Variants in PHF2 observed in about 807,000 individuals in gnomAD.
PHF2 encodes the protein lysine-specific demethylase PHF2.
A neutral mutation model predicts 120.5 loss-of-function variants in PHF2; 27 were observed. The observed-to-expected ratio is 0.22, with a 90% CI of 0.17 to 0.31. PHF2 has a LOEUF of 0.31. Ranked by LOEUF, PHF2 falls within the 10% of genes least tolerant of loss-of-function variation. PHF2 has a pLI of 1.00. For missense variants in PHF2, 1,024 were observed against 1,434.8 expected (o/e 0.71, Z 4.63); for synonymous variants, 568 against 592.5 (o/e 0.96, Z 0.60).
intron 1 of PHF2, among the ~76,000 whole-genome samples, chr9:93,587,672 C>G (rs984411010): frequency 2.0e-5 from 3 of 152,150 alleles, no homozygotes; most frequent in East Asian, 1.9e-4. Context: ...ACCCTGCTTG[C>G]CAGGCACTGC....
rs1826895296 is a variant in PHF2 at position 93,675,603 on chromosome 9, G to A, written c.2723-77G>A. The A allele has an allele frequency of 7.0e-6, 8 of 1,139,082 alleles. No individual in the cohort carries two copies. In the Admixed American group the frequency reaches 1.1e-4, roughly 16 times the overall value. 70.6% of individuals were successfully genotyped at this position (1,139,082 alleles called of 1,614,324 possible). Reference sequence around the variant, plus strand: ...GCCAGGGGGACAGGCTGGGGTGGGGGCAGGGTAGCCCCAAACCAGGAGGGG... The same window carrying A: ...GCCAGGGGGACAGGCTGGGGTGGGGACAGGGTAGCCCCAAACCAGGAGGGG... On this transcript the variant is annotated intron_variant, in intron 19 of 21. Transcript: ENST00000359246.
At chr9:93,615,157 A>G (rs200144908) in intron 1 of PHF2, among the ~76,000 whole-genome samples, 10 of 72,144 alleles carry the variant, frequency 1.4e-4, no homozygotes, top group Admixed American at 2.9e-4. Context: ...AATGGTGATG[A>G]TGATGGTGAT....
In PHF2 at chr9:93,654,594, G is replaced by A. The variant is rs753360654; in HGVS notation, c.952+19G>A. 6 of 1,608,826 alleles carry A rather than the reference G, an allele frequency of 3.7e-6. No homozygotes were observed. The highest frequency in any genetic ancestry group is 5.1e-6 in the Non-Finnish European group (6 of 1,176,770). ...CCCTCAGGTGAGTGCGGGCAGCTTT[G>A]GGGACCATGTACTAGGGCTTGCCGG... On this transcript the variant is annotated intron_variant, in intron 7 of 21. Transcript: ENST00000359246.
In PHF2 at chr9:93,649,157, A is replaced by G; in HGVS notation, c.547A>G (p.Ser183Gly). The change falls in exon 5 of 22, where the codon AGC becomes GGC. Residue 183 changes from serine to glycine, a missense_variant. This residue lies in a region of PHF2 where 347 missense variants were observed against 577.4 expected (regional missense o/e 0.60). Coordinates refer to ENST00000359246, the MANE Select transcript of PHF2 (RefSeq NM_005392.4). ...KLKEFVDYYYSTNRKRVLNVT... is the reference protein window; with the variant it reads ...KLKEFVDYYYGTNRKRVLNVT... ...GAAGGAGTTTGTGGACTATTACTAC[A>G]GCACCAACCGCAAGCGGGTCCTCAA... 1 of 1,546,100 alleles carries G rather than the reference A, an allele frequency of 6.5e-7. No homozygotes were observed. The highest frequency in any genetic ancestry group is 8.7e-7 in the Non-Finnish European group (1 of 1,144,060).
chr9:93,668,107 C>T (rs1826715562), intron 17 of PHF2, among the ~76,000 whole-genome samples: 2 of 152,206 alleles, frequency 1.3e-5, no homozygotes, highest in South Asian at 4.1e-4. Context: ...ATTGGCCGTA[C>T]TTTCTTTCAT....
At chr9:93,628,822 T>C (rs1252989094) in intron 1 of PHF2, among the ~76,000 whole-genome samples, 2 of 152,222 alleles carry the variant, frequency 1.3e-5, no homozygotes, top group African/African-American at 4.8e-5. Flanking sequence ...TCTGGACCTG[T>C]GCCCTGCCCA....
chr9:93,654,568 C>G lies in PHF2; in HGVS notation c.945C>G (p.Ile315Met). The G allele has an allele frequency of 6.2e-7, 1 of 1,613,580 alleles. No individual in the cohort carries two copies. The highest frequency in any genetic ancestry group is 1.3e-5 in the African/African-American group (1 of 75,064). The change falls in exon 7 of 22, where the codon ATC (isoleucine) becomes ATG (methionine). Residue 315 changes from isoleucine to methionine, a missense_variant. Ile to Met is a conservative substitution (Grantham distance 10). Transcript: ENST00000359246. The part of the protein sequence containing the change: ...CIVKQGQTLF[I>M]PSGWIYATLT... ...TCAAGCAGGGCCAGACCCTCTTCAT[C>G]CCCTCAGGTGAGTGCGGGCAGCTTT...
intron 3 of PHF2, among the ~76,000 whole-genome samples, chr9:93,637,810 T>C (rs143913868): frequency 2.7e-4 from 41 of 152,374 alleles, no homozygotes; most frequent in Middle Eastern, 3.4e-3. Flanking sequence ...GGAGTGGAAT[T>C]GCTGGGTCAT....
chr9:93,623,757 CT>C (rs1422890375), intron 1 of PHF2, among the ~76,000 whole-genome samples: 1 of 152,152 alleles, frequency 6.6e-6, no homozygotes, highest in Non-Finnish European at 1.5e-5. Context: ...GTGGACTTGA[CT>C]TTAGCTTGTA....
At chr9:93,662,563 GAT>G (rs1201887843) in intron 12 of PHF2, among the ~76,000 whole-genome samples, 29 of 61,008 alleles carry the variant, frequency 4.8e-4, no homozygotes, top group African/African-American at 1.7e-3. Context: ...TGGATGGATG[GAT>G]GGATGGATGA....
chr9:93,662,709 T>C (rs929571319), intron 12 of PHF2, among the ~76,000 whole-genome samples, 198 bp from the exon 13 acceptor site: 17 of 149,556 alleles, frequency 1.1e-4, no homozygotes, highest in African/African-American at 4.2e-4. Flanking sequence ...GATGAACGAA[T>C]GAATGAATAA....
intron 1 of PHF2, among the ~76,000 whole-genome samples, chr9:93,624,109 C>G (rs577046560): frequency 6.6e-6 from 1 of 152,380 alleles, no homozygotes; most frequent in South Asian, 2.1e-4. Flanking sequence ...CCTCTCATAC[C>G]TACCTCAATT....
At chr9:93,667,343 G>A in intron 17 of PHF2, 103 bp downstream of exon 17, 3 of 1,408,260 alleles carry the variant, frequency 2.1e-6, no homozygotes, top group Non-Finnish European at 2.9e-6. Flanking sequence ...CGCACAGCTG[G>A]AGCCAGTGCT....
chr9:93,616,254 A>G (rs984775599), intron 1 of PHF2, among the ~76,000 whole-genome samples: 2 of 152,226 alleles, frequency 1.3e-5, no homozygotes, highest in Middle Eastern at 3.2e-3. Flanking sequence ...CCACATTAAC[A>G]TGAATCTTTG....
chr9:93,645,337 C>T (rs997896693), intron 3 of PHF2, among the ~76,000 whole-genome samples: 1 of 152,240 alleles, frequency 6.6e-6, no homozygotes, highest in Non-Finnish European at 1.5e-5. Flanking sequence ...CCTCCTGCCT[C>T]TCTGTCTTGT....
intron 1 of PHF2, among the ~76,000 whole-genome samples, chr9:93,585,170 C>T (rs1441607353): frequency 6.6e-6 from 1 of 152,234 alleles, no homozygotes; most frequent in Non-Finnish European, 1.5e-5. Context: ...GCTGTGTGCC[C>T]AGTGCATGCC....
chr9:93,608,868 T>C (rs1825588375), intron 1 of PHF2, among the ~76,000 whole-genome samples: 1 of 152,120 alleles, frequency 6.6e-6, no homozygotes, highest in Non-Finnish European at 1.5e-5. Flanking sequence ...TTTTTAGTTG[T>C]TATATTTAGG....
intron 1 of PHF2, among the ~76,000 whole-genome samples, chr9:93,589,869 G>A (rs1863136882): frequency 6.6e-6 from 1 of 152,090 alleles, no homozygotes; most frequent in South Asian, 2.1e-4. Context: ...ACAGCAGTGC[G>A]CTGTGAATGT....
chr9:93,596,905 C>T lies in PHF2; in HGVS notation c.98+20034C>T, dbSNP rs181248757. On this transcript the variant is annotated intron_variant, in intron 1 of 21. Transcript: ENST00000359246. ...TCCTGAGTAGCTGGGACTACAGGCA[C>T]GCGCCAGCACGCCCAGCTAATTTTT... Among the ~76,000 whole-genome samples the T allele has an allele frequency of 2.5e-3, 369 of 150,266 alleles. 11 individuals are homozygous for T. In the East Asian group the frequency reaches 0.06, roughly 24 times the overall value.
Sources: allele counts gnomAD v4.1 joint callset (sites outside exome capture counted in the v4.1 genomes callset), GRCh38; gene constraint gnomAD v4.1.1; regional missense constraint gnomAD v4.1.1; transcripts MANE v1.5; gene names NCBI Gene and HGNC (gene_info 2026-07-23, HGNC 2026-07-21).